SLC36A4: variants seen among roughly 807,000 people sequenced by gnomAD.
The protein encoded by SLC36A4 is neutral amino acid uniporter 4.
A neutral mutation model predicts 50.5 loss-of-function variants in SLC36A4; 49 were observed. That is an observed-to-expected ratio of 0.97 (90% CI 0.77 to 1.23). SLC36A4 has a LOEUF of 1.23. Among genes scored for constraint, SLC36A4 ranks in the 50% most tolerant of loss-of-function variants. SLC36A4 has a pLI of 0.00. For synonymous variants in SLC36A4, 207 were observed against 206.5 expected (o/e 1.00, Z -0.02); for missense variants, 611 against 608.4 (o/e 1.00, Z -0.05).
intron 9 of SLC36A4, among the ~76,000 whole-genome samples, chr11:93,159,629 T>C (rs372130800): frequency 6.6e-6 from 1 of 152,198 alleles, no homozygotes; most frequent in East Asian, 1.9e-4. Flanking sequence ...CAACTATGGT[T>C]ATGTAGCATT....
chr11:93,186,868 T>A (rs546220183), intron 1 of SLC36A4, among the ~76,000 whole-genome samples: 1 of 152,166 alleles, frequency 6.6e-6, no homozygotes, highest in African/African-American at 2.4e-5. Flanking sequence ...CACACAATAA[T>A]GGACTCCATC....
chr11:93,176,657 C>T (rs1457909772), intron 6 of SLC36A4, among the ~76,000 whole-genome samples: 3 of 152,068 alleles, frequency 2.0e-5, no homozygotes, highest in Admixed American at 6.6e-5. Flanking sequence ...GTGACAAAAT[C>T]TCTCAGCATT....
intron 6 of SLC36A4, among the ~76,000 whole-genome samples, chr11:93,176,549 G>A (rs1001153565): frequency 5.9e-5 from 9 of 151,678 alleles, no homozygotes; most frequent in African/African-American, 2.2e-4. Context: ...AGTCTCGATG[G>A]TCTTTACATT....
chr11:93,186,319 A>G (rs547705502), intron 1 of SLC36A4, among the ~76,000 whole-genome samples: 6 of 152,294 alleles, frequency 3.9e-5, no homozygotes, highest in South Asian at 2.1e-4. Flanking sequence ...TTAAATATTC[A>G]TATTATCAAA....
chr11:93,192,236 C>T (rs1212710035), intron 1 of SLC36A4, among the ~76,000 whole-genome samples: 3 of 152,050 alleles, frequency 2.0e-5, no homozygotes, highest in South Asian at 2.1e-4. Flanking sequence ...GAAGTCCTGA[C>T]GAAGGAGCAG....
At chr11:93,183,741 A>T (rs1861847158) in intron 3 of SLC36A4, among the ~76,000 whole-genome samples, 1 of 151,520 alleles carries the variant, frequency 6.6e-6, no homozygotes, top group African/African-American at 2.4e-5. Context: ...TCTGTCGCCC[A>T]GGCTGGAGTG....
In SLC36A4 at chr11:93,148,614, G is replaced by C; in HGVS notation, c.1438C>G (p.Pro480Ala). The C allele has an allele frequency of 6.2e-7, 1 of 1,612,748 alleles. No individual in the cohort carries two copies. The highest frequency in any genetic ancestry group is 1.1e-5 in the South Asian group (1 of 90,994). ...TGTGGAGTGCCAGCTACAACTTTGG[G>C]AGTAGGATAAATAATTTCTTCAACA... ...ITVEEIIYPT[P>A]KVVAGTPQSP... The change falls in exon 11 of 11, where the codon CCC becomes GCC. Residue 480 changes from proline (P) to alanine (A), a missense_variant. Transcript: ENST00000326402.
chr11:93,195,657 T>C (rs1265175596), intron 1 of SLC36A4, among the ~76,000 whole-genome samples: 1 of 152,182 alleles, frequency 6.6e-6, no homozygotes, highest in Non-Finnish European at 1.5e-5. Flanking sequence ...AGTCACAGTT[T>C]ACATTACCTA....
In SLC36A4 at chr11:93,146,216, T is replaced by G. The variant is rs895102275; in HGVS notation, c.*2321A>C. 1 of 151,980 alleles carries G rather than the reference T, an allele frequency of 6.6e-6. No homozygotes were observed. The highest frequency in any genetic ancestry group is 1.5e-5 in the Non-Finnish European group (1 of 67,950). The allele number at this position is 151,980 out of a possible 1,614,324, so 9.4% of individuals were successfully genotyped here. A position where few individuals can be genotyped will look rare whatever the true frequency, so the allele number is the denominator to read the frequency against. On this transcript the variant is annotated 3_prime_UTR_variant, in exon 11 of 11. Coordinates refer to ENST00000326402, the MANE Select transcript of SLC36A4 (RefSeq NM_152313.4). ...ATTTCATTGCATTTGATGAATTCCT[T>G]AAGGAAAATAAACAATGGGCCAAAG...
chr11:93,184,747 G>T (rs1413952402), intron 2 of SLC36A4, among the ~76,000 whole-genome samples: 1 of 152,076 alleles, frequency 6.6e-6, no homozygotes, highest in African/African-American at 2.4e-5. Context: ...ATAGTTAAGT[G>T]AAATATCCGC....
intron 10 of SLC36A4, among the ~76,000 whole-genome samples, chr11:93,150,608 C>T (rs1313729714): frequency 6.6e-6 from 1 of 151,944 alleles, no homozygotes; most frequent in Admixed American, 6.6e-5. Flanking sequence ...ATAATTGACT[C>T]TAAAGAAGTA....
Position 93,168,032 on chromosome 11 carries a change from C to T in SLC36A4, c.680G>A (p.Arg227His), listed in dbSNP as rs775840497. 1.9e-5 allele frequency: 30 copies of T among 1,611,846 alleles called. No individual in the cohort carries two copies. Among genetic ancestry groups the T allele is most frequent in the South Asian group, 1.3e-4 (12 of 90,910 alleles). Reference protein sequence around the residue: ...LPFIILLVFIRELKNLFVLSF... With the variant: ...LPFIILLVFIHELKNLFVLSF... ...AAGTACAAATAGATTCTTTAGTTCA[C>T]GAATGAAGACCAAAAGAATTATAAA... Residue 227 changes from arginine to histidine, a missense_variant, in exon 7 of 11, where the codon CGT (arginine) becomes CAT (histidine). Arg to His is a conservative substitution (Grantham distance 29, BLOSUM62 0). Coordinates refer to ENST00000326402, the MANE Select transcript of SLC36A4 (RefSeq NM_152313.4).
At chr11:93,184,556 G>T in intron 2 of SLC36A4, 36 bp from the exon 3 acceptor site, 1 of 1,220,106 alleles carries the variant, frequency 8.2e-7, no homozygotes. Flanking sequence ...AAATATTTTA[G>T]AACAAAATCT....
intron 9 of SLC36A4, among the ~76,000 whole-genome samples, chr11:93,158,029 A>G (rs1860445297): frequency 6.6e-6 from 1 of 152,220 alleles, no homozygotes; most frequent in Admixed American, 6.5e-5. Context: ...GAAGAAATTT[A>G]AGAGCTGAAT....
intron 1 of SLC36A4, among the ~76,000 whole-genome samples, chr11:93,190,665 T>C (rs577697497): frequency 2.4e-4 from 37 of 152,358 alleles, no homozygotes; most frequent in African/African-American, 7.5e-4. Context: ...TTATTTACTA[T>C]TTTGATTCTA....
chr11:93,163,058 A>G (rs1860703482), intron 8 of SLC36A4, among the ~76,000 whole-genome samples, 183 bp from the exon 9 acceptor site: 1 of 152,126 alleles, frequency 6.6e-6, no homozygotes, highest in South Asian at 2.1e-4. Context: ...TAAACTTCTT[A>G]AAAAGATTTA....
At chr11:93,164,567 A>G (rs1265242247) in intron 8 of SLC36A4, among the ~76,000 whole-genome samples, 1 of 152,168 alleles carries the variant, frequency 6.6e-6, no homozygotes, top group African/African-American at 2.4e-5. Flanking sequence ...TCAGTTCCAT[A>G]TGGAAACATG....
At position 93,145,652 on chromosome 11, in the gene SLC36A4, G is replaced by A. The variant is rs900722908; in HGVS notation, c.*2885C>T. ...CCCTCAGTAGCAGAAAAGTCTCTCA[G>A]GCAACTGATTAACTTTCAGGGAATA... On this transcript the variant is annotated 3_prime_UTR_variant, in exon 11 of 11. Coordinates refer to ENST00000326402, the MANE Select transcript of SLC36A4 (RefSeq NM_152313.4). The A allele has an allele frequency of 2.0e-5, 3 of 152,028 alleles. No individual in the cohort carries two copies. The highest frequency in any genetic ancestry group is 7.2e-5 in the African/African-American group (3 of 41,420). The allele number at this position is 152,028 out of a possible 1,614,324, so 9.4% of individuals were successfully genotyped here.
chr11:93,184,670 T>C (rs1013241925), intron 2 of SLC36A4, 150 bp from the exon 3 acceptor site: 1 of 582,772 alleles, frequency 1.7e-6, no homozygotes, highest in South Asian at 2.2e-5. Flanking sequence ...GAAGTCATAC[T>C]TGGTTCAAGT....
Sources: gnomAD v4.1 joint callset for allele counts (sites outside exome capture counted in the v4.1 genomes callset) on GRCh38, gnomAD v4.1.1 for gene constraint, MANE v1.5 for transcripts, NCBI Gene and HGNC (gene_info 2026-07-23, HGNC 2026-07-21) for gene names.